Variants in RSRC1 observed in about 807,000 individuals in gnomAD.
RSRC1 encodes arginine and serine rich coiled-coil 1, also known as serine/Arginine-related protein 53.
Under a neutral mutation model 49.1 loss-of-function variants are expected in RSRC1, and 39 were observed. The observed-to-expected ratio is 0.79, with a 90% CI of 0.61 to 1.04. The LOEUF is 1.04. Ranked by LOEUF, RSRC1 falls within the 50% of genes least tolerant of loss-of-function variation. The pLI is 0.00. For synonymous variants in RSRC1, 143 were observed against 130.8 expected (o/e 1.09, Z -0.63); for missense variants, 388 against 402.4 (o/e 0.96, Z 0.31).
At chr3:158,492,778 G>A (rs1023974177) in intron 7 of RSRC1, among the ~76,000 whole-genome samples, 2 of 152,064 alleles carry the variant, frequency 1.3e-5, no homozygotes, top group Admixed American at 1.3e-4. Context: ...ATCTAGTTTA[G>A]CTTTCTCATT....
chr3:158,210,699 A>G (rs757330397), intron 4 of RSRC1, among the ~76,000 whole-genome samples: 1 of 152,070 alleles, frequency 6.6e-6, no homozygotes, highest in Non-Finnish European at 1.5e-5. Context: ...AATATTTGGT[A>G]TTAGTTCTGA....
chr3:158,164,151 T>C (rs1047847398), intron 3 of RSRC1, among the ~76,000 whole-genome samples: 3 of 152,166 alleles, frequency 2.0e-5, no homozygotes, highest in Non-Finnish European at 4.4e-5. Context: ...TGAATGCACA[T>C]ATATTTGTTT....
chr3:158,185,248 C>T (rs1719859166), intron 3 of RSRC1, among the ~76,000 whole-genome samples: 1 of 151,888 alleles, frequency 6.6e-6, no homozygotes, highest in Admixed American at 6.6e-5. Context: ...AGGCTTCACA[C>T]TATTTATTTG....
intron 6 of RSRC1, among the ~76,000 whole-genome samples, chr3:158,428,536 G>A (rs116375034): frequency 4.8e-4 from 73 of 151,888 alleles, no homozygotes; most frequent in Non-Finnish European, 9.1e-4. Context: ...AAAAACCATA[G>A]AGAACCATAT....
chr3:158,196,543 T>C (rs1189904671), intron 3 of RSRC1, among the ~76,000 whole-genome samples: 1 of 151,882 alleles, frequency 6.6e-6, no homozygotes. Context: ...CTATGTTGAA[T>C]AGGAGTGGTG....
chr3:158,364,310 G>GA (rs1731638790), intron 6 of RSRC1, among the ~76,000 whole-genome samples: 1 of 152,124 alleles, frequency 6.6e-6, no homozygotes, highest in Non-Finnish European at 1.5e-5. Context: ...ATGGCTCCGA[G>GA]AAATAGTACT....
At chr3:158,352,224 A>T (rs970728572) in intron 5 of RSRC1, among the ~76,000 whole-genome samples, 6 of 152,036 alleles carry the variant, frequency 3.9e-5, no homozygotes, top group African/African-American at 1.4e-4. Flanking sequence ...GTGAGCCATG[A>T]TCACACTGCT....
At chr3:158,513,835 G>A (rs1048181781) in intron 7 of RSRC1, among the ~76,000 whole-genome samples, 2 of 152,112 alleles carry the variant, frequency 1.3e-5, no homozygotes, top group African/African-American at 4.8e-5. Flanking sequence ...CTTCTTCCTG[G>A]TTTACTCTTG....
At chr3:158,494,460 C>CT (rs1315121023) in intron 7 of RSRC1, among the ~76,000 whole-genome samples, 1 of 152,128 alleles carries the variant, frequency 6.6e-6, no homozygotes, top group African/African-American at 2.4e-5. Context: ...CTACTGTGGA[C>CT]TTTATAAACA....
chr3:158,367,702 TAAAAC>T (rs1731849959), intron 6 of RSRC1, among the ~76,000 whole-genome samples: 1 of 152,106 alleles, frequency 6.6e-6, no homozygotes, highest in Non-Finnish European at 1.5e-5. Context: ...ATAGTGCTTT[TAAAAC>T]AAAACAAATG....
intron 5 of RSRC1, chr3:158,302,542 T>C (rs913521169): frequency 6.0e-5 from 9 of 150,326 alleles, no homozygotes; most frequent in African/African-American, 2.2e-4. Flanking sequence ...TGGGTGGTTA[T>C]TAGATGTTGC....
intron 4 of RSRC1, chr3:158,276,330 C>T (rs1467138883): frequency 1.0e-5 from 8 of 765,228 alleles, no homozygotes; most frequent in Admixed American, 1.7e-5. Context: ...AGAGAGCTGG[C>T]GGTACTGCCA....
At chr3:158,461,251 T>C (rs1737596267) in intron 7 of RSRC1, among the ~76,000 whole-genome samples, 1 of 151,926 alleles carries the variant, frequency 6.6e-6, no homozygotes, top group African/African-American at 2.4e-5. Context: ...GTAGTGCTGA[T>C]GTTGGTTTGT....
At chr3:158,514,347 T>G (rs1740374845) in intron 7 of RSRC1, among the ~76,000 whole-genome samples, 1 of 152,238 alleles carries the variant, frequency 6.6e-6, no homozygotes, top group Non-Finnish European at 1.5e-5. Context: ...AAAGAACATC[T>G]TTATTTCTGC....
Position 158,228,848 on chromosome 3 carries a change from C to CACATACGTGTATATATGTGTATAA in RSRC1, c.494+25606_494+25607insTACGTGTATATATGTGTATAAACA, listed in dbSNP as rs747126186. 7.3e-5 allele frequency among the ~76,000 whole-genome samples: 6 copies of CACATACGTGTATATATGTGTATAA among 81,664 alleles called. 1 individual carries two copies. In the South Asian group the frequency reaches 1.4e-3, roughly 19 times the overall value. 53.6% of individuals were successfully genotyped at this position (81,664 alleles called of 152,430 possible). ...ACACGTGTGTATATATGTATATAAA[C>CACATACGTGTATATATGTGTATAA]ACACATACGTGTATATATGTATATA... is the stretch of plus-strand genomic sequence containing the variant. On this transcript the variant is annotated intron_variant, in intron 4 of 9. Coordinates refer to ENST00000611884, the MANE Select transcript of RSRC1 (RefSeq NM_001271838.2).
intron 6 of RSRC1, among the ~76,000 whole-genome samples, chr3:158,392,579 A>C (rs892220786): frequency 6.6e-6 from 1 of 152,146 alleles, no homozygotes; most frequent in East Asian, 1.9e-4. Context: ...ATCCAAAAAT[A>C]TAAAGAAGGG....
intron 7 of RSRC1, 48 bp downstream of exon 7, chr3:158,461,051 A>G: frequency 7.2e-7 from 1 of 1,381,318 alleles, no homozygotes; most frequent in Non-Finnish European, 1.0e-6. Context: ...ATTTGGCTGT[A>G]TTTCCTGAAT....
chr3:158,206,646 G>A (rs1015267574), intron 4 of RSRC1, among the ~76,000 whole-genome samples: 3 of 152,172 alleles, frequency 2.0e-5, no homozygotes, highest in Non-Finnish European at 2.9e-5. Flanking sequence ...AGGCATGGTG[G>A]CTCACGCCTG....
rs183137726 is a variant in RSRC1, at chr3:158,392,320, C to G, written c.583+37412C>G. On this transcript the variant is annotated intron_variant, in intron 6 of 9. Transcript: ENST00000611884. ...TGTGCTAAAGAGTTATTAGAGTTAACCTTTGTGTTTTAACATGAGTCCTTT... is the reference window on the plus strand; with the variant it reads ...TGTGCTAAAGAGTTATTAGAGTTAAGCTTTGTGTTTTAACATGAGTCCTTT... 1.2e-3 allele frequency among the ~76,000 whole-genome samples: 190 copies of G among 152,086 alleles called. 1 individual carries two copies. Among genetic ancestry groups the G allele is most frequent in the Non-Finnish European group, 2.3e-3 (153 of 67,942 alleles).
Sources: allele counts gnomAD v4.1 joint callset (sites outside exome capture counted in the v4.1 genomes callset), GRCh38; gene constraint gnomAD v4.1.1; transcripts MANE v1.5; gene names NCBI Gene and HGNC (gene_info 2026-07-23, HGNC 2026-07-21).